Variants in SCHIP1 observed in about 807,000 individuals in gnomAD.
SCHIP1 encodes the protein schwannomin interacting protein 1.
SCHIP1 carries 8 observed loss-of-function variants against 29.7 expected under a neutral mutation model. That is an observed-to-expected ratio of 0.27 (90% CI 0.16 to 0.49). The LOEUF is 0.49. SCHIP1 is among the 20% of genes least tolerant of loss of function. The pLI, the probability that SCHIP1 is intolerant of heterozygous loss-of-function variation, is 0.99. For missense variants in SCHIP1, 193 were observed against 294.6 expected, an observed-to-expected ratio of 0.66 and a Z score of 2.52; for synonymous variants, 76 against 94.9, an observed-to-expected ratio of 0.80 and a Z score of 1.16.
At chr3:159,679,026 A>T in the SCHIP1 span, among the ~76,000 whole-genome samples, 1 of 152,226 alleles carries the variant, frequency 6.6e-6, no homozygotes, top group African/African-American at 2.4e-5. Context: ...CACATCACTT[A>T]CTTTCTCAAT....
chr3:159,301,872 A>C, the SCHIP1 span, among the ~76,000 whole-genome samples: 1 of 152,174 alleles, frequency 6.6e-6, no homozygotes, highest in Non-Finnish European at 1.5e-5. Context: ...TAATACAGGA[A>C]CCCTTAGGGA....
the SCHIP1 span, among the ~76,000 whole-genome samples, chr3:159,664,954 T>C: frequency 6.7e-6 from 1 of 148,556 alleles, no homozygotes; most frequent in South Asian, 2.1e-4. Context: ...ATCTGTGCTT[T>C]ATACAAGCCC....
the SCHIP1 span, among the ~76,000 whole-genome samples, chr3:159,644,113 C>T: frequency 2.0e-5 from 3 of 152,014 alleles, no homozygotes; most frequent in African/African-American, 7.3e-5. Flanking sequence ...TGCAACCTGC[C>T]CACCCATTTT....
chr3:159,621,672 G>T, the SCHIP1 span, among the ~76,000 whole-genome samples: 9 of 147,234 alleles, frequency 6.1e-5, no homozygotes, highest in South Asian at 2.2e-4. Context: ...TTTGTTCTTT[G>T]TTTTTTTTTT....
At chr3:159,537,820 CAGTT>C in the SCHIP1 span, among the ~76,000 whole-genome samples, 52 of 152,156 alleles carry the variant, frequency 3.4e-4, no homozygotes, top group African/African-American at 9.4e-4. Context: ...AAGAAATTAA[CAGTT>C]AGAAGTTTTA....
chr3:159,838,520 GA>G (rs1341449408), upstream of SCHIP1, among the ~76,000 whole-genome samples: 3 of 152,148 alleles, frequency 2.0e-5, no homozygotes, highest in African/African-American at 4.8e-5. Context: ...TGTCCCTATT[GA>G]TTTTTTTAAT....
At chr3:159,640,201 G>C in the SCHIP1 span, among the ~76,000 whole-genome samples, 1 of 152,090 alleles carries the variant, frequency 6.6e-6, no homozygotes, top group African/African-American at 2.4e-5. Flanking sequence ...ACAACAAAAA[G>C]TCTGTTTGTG....
chr3:159,389,450 C>T, the SCHIP1 span, among the ~76,000 whole-genome samples: 1 of 151,994 alleles, frequency 6.6e-6, no homozygotes, highest in Non-Finnish European at 1.5e-5. Context: ...GGAATAAGCA[C>T]AGAATTTTTG....
chr3:159,699,492 G>A, the SCHIP1 span, among the ~76,000 whole-genome samples: 1 of 152,194 alleles, frequency 6.6e-6, no homozygotes, highest in Admixed American at 6.5e-5. Flanking sequence ...CATCTGGGAT[G>A]TTTACCCACA....
chr3:159,406,357 CT>C, the SCHIP1 span, among the ~76,000 whole-genome samples: 1 of 152,128 alleles, frequency 6.6e-6, no homozygotes, highest in Non-Finnish European at 1.5e-5. Flanking sequence ...ACAACAAAAA[CT>C]TTTATCCTAG....
At chr3:159,273,314 G>A in the SCHIP1 span, 1 of 985,998 alleles carries the variant, frequency 1.0e-6, no homozygotes, top group Non-Finnish European at 1.2e-6. Context: ...ACCGAGGCTG[G>A]GGCGAGAATG....
At chr3:159,539,333 T>C in the SCHIP1 span, among the ~76,000 whole-genome samples, 1 of 97,334 alleles carries the variant, frequency 1.0e-5, no homozygotes, top group African/African-American at 3.1e-5. Context: ...CAAGAGAGCA[T>C]AAATATTGGA....
chr3:159,308,154 T>C, the SCHIP1 span, among the ~76,000 whole-genome samples: 1 of 152,156 alleles, frequency 6.6e-6, no homozygotes, highest in East Asian at 1.9e-4. Flanking sequence ...AATCTGTAAA[T>C]TGCTTTCAGC....
chr3:159,381,921 C>T, the SCHIP1 span, among the ~76,000 whole-genome samples: 1 of 152,040 alleles, frequency 6.6e-6, no homozygotes. Flanking sequence ...TCTGTAATAT[C>T]CTTTGAACAG....
chr3:159,779,865 A>G, the SCHIP1 span, among the ~76,000 whole-genome samples: 1 of 152,172 alleles, frequency 6.6e-6, no homozygotes, highest in East Asian at 1.9e-4. Context: ...AGTAATTTGA[A>G]TAGCTCCTTC....
At chr3:159,326,040 C>G in the SCHIP1 span, among the ~76,000 whole-genome samples, 3 of 152,080 alleles carry the variant, frequency 2.0e-5, no homozygotes, top group Admixed American at 6.6e-5. Context: ...CTTTACTCAT[C>G]ATAGTAACCT....
In SCHIP1 at chr3:159,887,488, C is replaced by T. The variant is rs1464426284; in HGVS notation, c.268-220C>T. 5.9e-6 allele frequency: 3 copies of T among 509,196 alleles called. No homozygotes were observed. In the East Asian group the frequency reaches 9.6e-5, roughly 16 times the overall value. 31.5% of individuals were successfully genotyped at this position (509,196 alleles called of 1,614,324 possible). ...TCAAGGTTGTTGTAAATATATTTCCCATTATTAACTATACTGCTCTCTCTG... is the reference window on the plus strand; with the variant it reads ...TCAAGGTTGTTGTAAATATATTTCCTATTATTAACTATACTGCTCTCTCTG... On this transcript the variant is annotated intron_variant, in intron 3 of 6. Transcript: ENST00000445224.
the SCHIP1 span, among the ~76,000 whole-genome samples, chr3:159,564,212 T>C: frequency 1.3e-4 from 20 of 152,154 alleles, no homozygotes; most frequent in Admixed American, 9.2e-4. Context: ...AAATATTTTA[T>C]TGGGGGATAA....
chr3:159,389,869 A>C, the SCHIP1 span, among the ~76,000 whole-genome samples: 1 of 151,950 alleles, frequency 6.6e-6, no homozygotes. Context: ...AAATGGTAGA[A>C]GTTTTAGAAA....
Sources: allele counts gnomAD v4.1 joint callset (sites outside exome capture counted in the v4.1 genomes callset), GRCh38; gene constraint gnomAD v4.1.1; transcripts MANE v1.5; gene names NCBI Gene and HGNC (gene_info 2026-07-23, HGNC 2026-07-21).